SNCAIP: variants seen among roughly 807,000 people sequenced by gnomAD.
The protein encoded by SNCAIP is synphilin-1.
SNCAIP carries 43 observed loss-of-function variants against 86.7 expected under a neutral mutation model. The ratio of observed to expected loss-of-function variants is 0.50; its 90% CI spans 0.39 to 0.64. The LOEUF (loss-of-function observed/expected upper bound fraction) is 0.64, where lower values mean the gene tolerates loss of function less well. SNCAIP is among the 30% of genes least tolerant of loss of function. SNCAIP has a pLI of 0.00. For synonymous variants in SNCAIP, 417 were observed against 427.2 expected (o/e 0.98, Z 0.29); for missense variants, 981 against 1,103.1 (o/e 0.89, Z 1.57).
In SNCAIP at chr5:122,437,532, G is replaced by A. The variant is rs560676935; in HGVS notation, c.1297-3097G>A. On this transcript the variant is annotated intron_variant, in intron 6 of 10. Transcript: ENST00000261368. Reference sequence around the variant, plus strand: ...TCATATCTCAGTGGACAGGCCAATCGCACTTCTTATTTTAAATTCTTATGC... The same window carrying A: ...TCATATCTCAGTGGACAGGCCAATCACACTTCTTATTTTAAATTCTTATGC... Among the ~76,000 whole-genome samples the A allele has an allele frequency of 3.8e-4, 58 of 152,224 alleles. 1 individual carries two copies. The South Asian group carries it at 9.1e-3, about 24-fold the overall frequency.
chr5:122,459,632 G>C lies in SNCAIP; in HGVS notation c.2755-3859G>C, dbSNP rs1785635522. On this transcript the variant is annotated intron_variant, in intron 10 of 10. Transcript: ENST00000261368. ...ACAGACTTAGCTCTAATCATAAGGG[G>C]TTTTGTCCTGCAGAAAGAGTGCTCA... 3.3e-5 allele frequency among the ~76,000 whole-genome samples: 5 copies of C among 152,124 alleles called. No homozygotes were observed. The South Asian group carries it at 1.0e-3, about 32-fold the overall frequency.
Position 122,360,196 on chromosome 5 carries a change from C to G in SNCAIP, c.-46-30893C>G, listed in dbSNP as rs139387331. On this transcript the variant is annotated intron_variant, in intron 1 of 10. Transcript: ENST00000261368. Reference sequence around the variant, plus strand: ...TGTCTCTAAGTATTCCTAAACGTTTCGGAACATGGCCAGCCTTTTTGCTCT... The same window carrying G: ...TGTCTCTAAGTATTCCTAAACGTTTGGGAACATGGCCAGCCTTTTTGCTCT... Among the ~76,000 whole-genome samples, 10 of 152,230 alleles carry G rather than the reference C, an allele frequency of 6.6e-5. No individual in the cohort carries two copies. In the South Asian group the frequency reaches 1.9e-3, roughly 28 times the overall value.
At chr5:122,356,058 G>A (rs1029519116) in intron 1 of SNCAIP, among the ~76,000 whole-genome samples, 2 of 150,834 alleles carry the variant, frequency 1.3e-5, no homozygotes, top group African/African-American at 2.4e-5. Flanking sequence ...ACTGAGGTGA[G>A]GTTGACAATA....
intron 3 of SNCAIP, among the ~76,000 whole-genome samples, chr5:122,405,429 A>C (rs1472843295): frequency 6.6e-6 from 1 of 152,168 alleles, no homozygotes; most frequent in Non-Finnish European, 1.5e-5. Context: ...TGTTGTAAGC[A>C]CTCTACTTAC....
At chr5:122,446,181 A>T (rs1782276325) in intron 8 of SNCAIP, among the ~76,000 whole-genome samples, 1 of 152,184 alleles carries the variant, frequency 6.6e-6, no homozygotes, top group Admixed American at 6.5e-5. Flanking sequence ...GAACATGTAT[A>T]GATATTTCAA....
intron 1 of SNCAIP, chr5:122,321,249 C>T (rs1217503973): frequency 6.6e-6 from 1 of 152,182 alleles, no homozygotes. Flanking sequence ...TATAAAAAAT[C>T]ATTAACCAAG....
chr5:122,440,863 T>C (rs1780728260), intron 7 of SNCAIP, 109 bp downstream of exon 7: 1 of 1,046,952 alleles, frequency 9.6e-7, no homozygotes, highest in East Asian at 2.5e-5. Context: ...ACCTTTTGTA[T>C]GGTCGTAGAC....
Position 122,460,320 on chromosome 5 carries a change from T to C in SNCAIP, c.2755-3171T>C, listed in dbSNP as rs59760849. On this transcript the variant is annotated intron_variant, in intron 10 of 10. Coordinates refer to ENST00000261368, the MANE Select transcript of SNCAIP (RefSeq NM_005460.4). Reference sequence around the variant, plus strand: ...ACTATTATTATCCTAATTTTGCGTATTGGAAACTGAGACATAGAATGATTA... The same window carrying C: ...ACTATTATTATCCTAATTTTGCGTACTGGAAACTGAGACATAGAATGATTA... Among the ~76,000 whole-genome samples the C allele has an allele frequency of 1.8e-3, 272 of 152,220 alleles. 5 individuals are homozygous for C. In the East Asian group the frequency reaches 0.037, roughly 21 times the overall value.
chr5:122,400,556 C>T (rs1771587122), intron 2 of SNCAIP, among the ~76,000 whole-genome samples: 2 of 152,214 alleles, frequency 1.3e-5, no homozygotes, highest in South Asian at 4.1e-4. Flanking sequence ...AACACCACAG[C>T]ACATGACAAT....
chr5:122,392,919 T>C (rs1324785306), intron 2 of SNCAIP, among the ~76,000 whole-genome samples: 6 of 152,220 alleles, frequency 3.9e-5, no homozygotes, highest in East Asian at 1.9e-4. Context: ...AGGCATAAAG[T>C]CAAGATTTTT....
intron 10 of SNCAIP, among the ~76,000 whole-genome samples, chr5:122,458,787 G>C (rs771360795): frequency 6.6e-6 from 1 of 152,202 alleles, no homozygotes; most frequent in Admixed American, 6.5e-5. Flanking sequence ...ATAATCAAGA[G>C]AGAATGAAAA....
At chr5:122,408,385 GCTCAC>G (rs1156911064) in intron 3 of SNCAIP, among the ~76,000 whole-genome samples, 1 of 152,116 alleles carries the variant, frequency 6.6e-6, no homozygotes, top group Non-Finnish European at 1.5e-5. Flanking sequence ...GCAGCCTAGG[GCTCAC>G]CTCACTTCAT....
chr5:122,356,493 C>T (rs956564063), intron 1 of SNCAIP, among the ~76,000 whole-genome samples: 1 of 152,068 alleles, frequency 6.6e-6, no homozygotes, highest in Non-Finnish European at 1.5e-5. Context: ...ACTAATTGGT[C>T]ACATTTTACT....
intron 1 of SNCAIP, among the ~76,000 whole-genome samples, chr5:122,317,723 G>T (rs116060596): frequency 1.3e-5 from 2 of 152,118 alleles, no homozygotes; most frequent in African/African-American, 2.4e-5. Context: ...GATGCTGTGC[G>T]TGCAGAAACA....
chr5:122,319,887 T>C (rs1326574900), intron 1 of SNCAIP, among the ~76,000 whole-genome samples: 1 of 152,154 alleles, frequency 6.6e-6, no homozygotes, highest in African/African-American at 2.4e-5. Flanking sequence ...GAACTCACAG[T>C]CTCCCACTGG....
At chr5:122,364,034 T>C (rs956382933) in intron 1 of SNCAIP, among the ~76,000 whole-genome samples, 4 of 152,020 alleles carry the variant, frequency 2.6e-5, no homozygotes, top group African/African-American at 7.3e-5. Flanking sequence ...TCTTCCTATG[T>C]TTCCCAGACT....
At chr5:122,412,445 C>A (rs1430581998) in intron 3 of SNCAIP, among the ~76,000 whole-genome samples, 1 of 152,170 alleles carries the variant, frequency 6.6e-6, no homozygotes, top group East Asian at 1.9e-4. Context: ...TAGTCCCCTC[C>A]TTTCTGGAAA....
At chr5:122,333,209 T>C (rs977025757) in intron 1 of SNCAIP, among the ~76,000 whole-genome samples, 1 of 152,236 alleles carries the variant, frequency 6.6e-6, no homozygotes, top group Non-Finnish European at 1.5e-5. Context: ...TTCAAATTGC[T>C]GGAATGTCAC....
chr5:122,401,188 G>A, intron 2 of SNCAIP: 1 of 1,458,790 alleles, frequency 6.9e-7, no homozygotes. Flanking sequence ...TGGGATGAAG[G>A]CCTGGGAAGC....
Sources: gnomAD v4.1 joint callset for allele counts (sites outside exome capture counted in the v4.1 genomes callset) on GRCh38, gnomAD v4.1.1 for gene constraint, MANE v1.5 for transcripts, NCBI Gene and HGNC (gene_info 2026-07-23, HGNC 2026-07-21) for gene names.